The following MICU2 variants were observed in gnomAD, a reference collection of about 807,000 sequenced individuals.
The protein encoded by MICU2 is mitochondrial calcium uptake 2.
MICU2 carries 64 observed loss-of-function variants against 60.4 expected under a neutral mutation model. That is an observed-to-expected ratio of 1.06 (90% CI 0.87 to 1.31). The LOEUF is 1.31. Ranked by LOEUF, MICU2 falls within the 50% of genes most tolerant of loss-of-function variation. MICU2 has a pLI of 0.00. For missense variants in MICU2, 569 were observed against 531.0 expected, an observed-to-expected ratio of 1.07 and a Z score of -0.70; for synonymous variants, 201 against 175.0, an observed-to-expected ratio of 1.15 and a Z score of -1.17.
intron 4 of MICU2, among the ~76,000 whole-genome samples, chr13:21,531,801 G>A (rs1426878007): frequency 6.6e-6 from 1 of 152,064 alleles, no homozygotes; most frequent in Non-Finnish European, 1.5e-5. Context: ...CCAAAAAAAC[G>A]GTTTTGTAAT....
intron 2 of MICU2, among the ~76,000 whole-genome samples, chr13:21,558,465 T>A (rs1290017847): frequency 6.6e-6 from 1 of 152,224 alleles, no homozygotes; most frequent in Non-Finnish European, 1.5e-5. Flanking sequence ...GTTATTTTAA[T>A]TGAATTTGTT....
intron 6 of MICU2, among the ~76,000 whole-genome samples, chr13:21,517,770 GACACACAC>G (rs374373614): frequency 2.1e-4 from 31 of 144,602 alleles, no homozygotes; most frequent in African/African-American, 5.5e-4. Context: ...ACAGAGCGAG[GACACACAC>G]ACACACACAC....
At chr13:21,596,335 CCCA>C (rs977468742) in intron 1 of MICU2, among the ~76,000 whole-genome samples, 8 of 152,036 alleles carry the variant, frequency 5.3e-5, no homozygotes, top group African/African-American at 1.9e-4. Flanking sequence ...CTCACTTCCC[CCCA>C]CATTTCCTTA....
At chr13:21,570,717 G>GTACT (rs1888088071) in intron 1 of MICU2, among the ~76,000 whole-genome samples, 2 of 152,194 alleles carry the variant, frequency 1.3e-5, no homozygotes, top group African/African-American at 4.8e-5. Flanking sequence ...AATTTTAAGA[G>GTACT]TTAAAAGGGA....
intron 4 of MICU2, among the ~76,000 whole-genome samples, chr13:21,524,711 A>T (rs747086614): frequency 6.6e-6 from 1 of 152,214 alleles, no homozygotes; most frequent in Non-Finnish European, 1.5e-5. Flanking sequence ...AACCGTCATT[A>T]GAAATTTTTC....
At chr13:21,525,160 A>T (rs1402668782) in intron 4 of MICU2, among the ~76,000 whole-genome samples, 4 of 148,730 alleles carry the variant, frequency 2.7e-5, no homozygotes, top group African/African-American at 7.5e-5. Context: ...GCTGCATCAT[A>T]CAGTAATGCT....
chr13:21,494,924 G>A (rs1243238819), intron 11 of MICU2, among the ~76,000 whole-genome samples: 1 of 152,036 alleles, frequency 6.6e-6, no homozygotes, highest in Non-Finnish European at 1.5e-5. Flanking sequence ...GTGCAGTGGT[G>A]CGATCGTAGC....
At chr13:21,532,376 G>C (rs1887022789) in intron 4 of MICU2, among the ~76,000 whole-genome samples, 1 of 151,934 alleles carries the variant, frequency 6.6e-6, no homozygotes, top group South Asian at 2.1e-4. Flanking sequence ...AATATTACTT[G>C]TCAATAAAAA....
chr13:21,551,042 C>T (rs1306378549), intron 2 of MICU2, among the ~76,000 whole-genome samples: 1 of 152,218 alleles, frequency 6.6e-6, no homozygotes, highest in African/African-American at 2.4e-5. Flanking sequence ...GAATCTACGA[C>T]ATTTTCACTA....
chr13:21,526,679 TTGAA>T (rs1421288960), intron 4 of MICU2, among the ~76,000 whole-genome samples: 2 of 152,110 alleles, frequency 1.3e-5, no homozygotes, highest in African/African-American at 4.8e-5. Context: ...ACAGTAAACT[TTGAA>T]TGATTGGTAA....
intron 2 of MICU2, among the ~76,000 whole-genome samples, chr13:21,565,614 C>T (rs113321346): frequency 8.8e-4 from 134 of 152,164 alleles, no homozygotes; most frequent in African/African-American, 3.1e-3. Context: ...GCCAAGATCG[C>T]GCCACTGCAC....
chr13:21,578,976 C>A (rs780024748), intron 1 of MICU2, among the ~76,000 whole-genome samples: 3 of 152,192 alleles, frequency 2.0e-5, no homozygotes, highest in Non-Finnish European at 2.9e-5. Context: ...TCACATTCTC[C>A]TGTAAATCTG....
chr13:21,503,104 G>C lies in MICU2; in HGVS notation c.762-7C>G. 1 of 1,577,050 alleles carries C rather than the reference G, an allele frequency of 6.3e-7. No homozygotes were observed. The highest frequency in any genetic ancestry group is 8.6e-7 in the Non-Finnish European group (1 of 1,160,940). Reference sequence around the variant, plus strand: ...TTGTAAATTTTCCATAAATCTGAATGTTAAAATACAAAATTAGTAAGGTAA... The same window carrying C: ...TTGTAAATTTTCCATAAATCTGAATCTTAAAATACAAAATTAGTAAGGTAA... On this transcript the variant is annotated splice_region_variant and splice_polypyrimidine_tract_variant and intron_variant, in intron 8 of 11. Coordinates refer to ENST00000382374, the MANE Select transcript of MICU2 (RefSeq NM_152726.3).
chr13:21,498,719 G>A (rs181500817), intron 9 of MICU2, among the ~76,000 whole-genome samples: 3 of 151,674 alleles, frequency 2.0e-5, no homozygotes, highest in African/African-American at 4.8e-5. Flanking sequence ...GTACACACAC[G>A]TCTCCTTGTT....
intron 1 of MICU2, among the ~76,000 whole-genome samples, chr13:21,601,522 G>T (rs1380260834): frequency 6.6e-6 from 1 of 152,174 alleles, no homozygotes; most frequent in Non-Finnish European, 1.5e-5. Context: ...TTACAAAGCT[G>T]CAGGGAAGGA....
At chr13:21,534,808 G>C (rs555498862) in intron 4 of MICU2, among the ~76,000 whole-genome samples, 19 of 152,292 alleles carry the variant, frequency 1.2e-4, no homozygotes, top group Non-Finnish European at 2.5e-4. Context: ...AATTAAGAAA[G>C]ATTAGAAATC....
intron 2 of MICU2, among the ~76,000 whole-genome samples, chr13:21,541,672 A>G (rs1463756647): frequency 6.6e-6 from 1 of 152,142 alleles, no homozygotes; most frequent in Non-Finnish European, 1.5e-5. Context: ...ATTTATTTTC[A>G]TATCTCATAT....
intron 1 of MICU2, among the ~76,000 whole-genome samples, chr13:21,575,398 G>A (rs1312703465): frequency 6.8e-6 from 1 of 148,012 alleles, no homozygotes; most frequent in Non-Finnish European, 1.5e-5. Flanking sequence ...GAAACAAAAA[G>A]TTTAAACTAG....
intron 4 of MICU2, among the ~76,000 whole-genome samples, chr13:21,523,796 T>C (rs1462566998): frequency 6.6e-6 from 1 of 152,212 alleles, no homozygotes; most frequent in Non-Finnish European, 1.5e-5. Context: ...CTGATGCAAA[T>C]GCTGGATCAC....
Sources: allele counts gnomAD v4.1 joint callset (sites outside exome capture counted in the v4.1 genomes callset), GRCh38; gene constraint gnomAD v4.1.1; transcripts MANE v1.5; gene names NCBI Gene and HGNC (gene_info 2026-07-23, HGNC 2026-07-21).